Variants in TMPRSS15 observed in about 807,000 individuals in gnomAD.
The protein encoded by TMPRSS15 is enteropeptidase.
In TMPRSS15, 128 loss-of-function variants were observed where a neutral mutation model predicts 125.3. The ratio of observed to expected loss-of-function variants is 1.02; its 90% CI spans 0.89 to 1.18. TMPRSS15 has a LOEUF of 1.18. Among genes scored for constraint, TMPRSS15 ranks in the 50% most tolerant of loss-of-function variants. The pLI, the probability that TMPRSS15 is intolerant of heterozygous loss-of-function variation, is 0.00. For missense variants in TMPRSS15, 1,283 were observed against 1,212.7 expected, an observed-to-expected ratio of 1.06 and a Z score of -0.86; for synonymous variants, 446 against 423.2, an observed-to-expected ratio of 1.05 and a Z score of -0.66.
rs552522058 is a variant in TMPRSS15 at position 18,441,353 on chromosome 21, T to A, written c.11-43024A>T. On this transcript the variant is annotated intron_variant, in intron 1 of 7. Transcript: ENST00000422787. ...CGGGCGTGGTGGCTCACACCTGTAATCCCAGCACTTTGGGAGGCCGAGGCA... is the reference window on the plus strand; with the variant it reads ...CGGGCGTGGTGGCTCACACCTGTAAACCCAGCACTTTGGGAGGCCGAGGCA... Among the ~76,000 whole-genome samples, 14 of 151,896 alleles carry A rather than the reference T, an allele frequency of 9.2e-5. No homozygotes were observed. In the South Asian group the frequency reaches 2.9e-3, roughly 32 times the overall value.
rs928455456 is a variant in TMPRSS15 at position 18,350,849 on chromosome 21, A to G, written c.1171+2054T>C. 2.0e-5 allele frequency among the ~76,000 whole-genome samples: 3 copies of G among 152,080 alleles called. No individual in the cohort carries two copies. In the East Asian group the frequency reaches 5.8e-4, roughly 29 times the overall value. On this transcript the variant is annotated intron_variant, in intron 10 of 24. Transcript: ENST00000284885. ...AATTTGGTTTATTTTGTTCACAGATATATTCTGAATGACTTGAATAAGGCC... is the reference window on the plus strand; with the variant it reads ...AATTTGGTTTATTTTGTTCACAGATGTATTCTGAATGACTTGAATAAGGCC...
At chr21:18,443,930 A>G (rs574156742) in intron 1 of TMPRSS15, among the ~76,000 whole-genome samples, 1 of 151,558 alleles carries the variant, frequency 6.6e-6, no homozygotes, top group Non-Finnish European at 1.5e-5. Flanking sequence ...AACTGAACCC[A>G]CTCCTGCCAC....
At position 18,329,307 on chromosome 21, in the gene TMPRSS15, A is replaced by T; in HGVS notation, c.1655-13T>A. 3 of 1,606,306 alleles carry T rather than the reference A, an allele frequency of 1.9e-6. No individual in the cohort carries two copies. Among genetic ancestry groups the T allele is most frequent in the Non-Finnish European group, 2.6e-6 (3 of 1,175,458 alleles). On this transcript the variant is annotated splice_polypyrimidine_tract_variant and intron_variant, in intron 14 of 24. Transcript: ENST00000284885. ...AAAATCCAAACACCTAAAAAGTAAG[A>T]AGTAACATTTAATTTGGAACACACT... is the stretch of plus-strand genomic sequence containing the variant.
intron 18 of TMPRSS15, among the ~76,000 whole-genome samples, chr21:18,301,543 A>T (rs1467730329): frequency 6.6e-6 from 1 of 152,190 alleles, no homozygotes; most frequent in Non-Finnish European, 1.5e-5. Flanking sequence ...CACGCACCTG[A>T]GGCTCTTACT....
chr21:18,443,763 C>G (rs1395588244), intron 1 of TMPRSS15, among the ~76,000 whole-genome samples: 2 of 152,226 alleles, frequency 1.3e-5, no homozygotes, highest in Admixed American at 1.3e-4. Flanking sequence ...CCAGGAAACA[C>G]CTGAATGGCA....
At chr21:18,457,199 G>A (rs1001708357) in intron 1 of TMPRSS15, among the ~76,000 whole-genome samples, 2 of 152,024 alleles carry the variant, frequency 1.3e-5, no homozygotes, top group Admixed American at 1.3e-4. Flanking sequence ...TGCTTACCGA[G>A]TATCTTAACA....
At chr21:18,351,473 G>T (rs1376975252) in intron 10 of TMPRSS15, among the ~76,000 whole-genome samples, 1 of 152,114 alleles carries the variant, frequency 6.6e-6, no homozygotes, top group East Asian at 1.9e-4. Context: ...GATCACGGGG[G>T]CAATTTTTTC....
At chr21:18,319,285 T>C (rs2075208283) in intron 16 of TMPRSS15, among the ~76,000 whole-genome samples, 1 of 152,074 alleles carries the variant, frequency 6.6e-6, no homozygotes, top group Non-Finnish European at 1.5e-5. Context: ...ACTACTTTTG[T>C]CTTTGGTGTG....
In TMPRSS15 at chr21:18,383,684, T is replaced by C. The variant is rs1024715836; in HGVS notation, c.439A>G (p.Asn147Asp). The C allele has an allele frequency of 6.2e-7, 1 of 1,614,050 alleles. No homozygotes were observed. The highest frequency in any genetic ancestry group is 8.5e-7 in the Non-Finnish European group (1 of 1,179,978). The change falls in exon 4 of 25, where the codon AAT (asparagine) becomes GAT (aspartate). Residue 147 changes from asparagine to aspartate, a missense_variant. By Grantham distance (23) the Asn-to-Asp change is conservative. Coordinates refer to ENST00000284885, the MANE Select transcript of TMPRSS15 (RefSeq NM_002772.3). ...AAAGTGACCAGTTGGCTGGATTTAT[T>C]TGCTTCAAGGCCTTGAATCAGTTCT... Reference protein sequence around the residue: ...KEELIQGLEANKSSQLVTFHI... With the variant: ...KEELIQGLEADKSSQLVTFHI...
At chr21:18,474,570 G>A (rs1418400759) in intron 1 of TMPRSS15, among the ~76,000 whole-genome samples, 2 of 152,088 alleles carry the variant, frequency 1.3e-5, no homozygotes, top group Non-Finnish European at 2.9e-5. Context: ...GATTACAGGT[G>A]TGAGCCACCG....
At chr21:18,465,119 T>C (rs1601472157) in intron 1 of TMPRSS15, among the ~76,000 whole-genome samples, 1 of 152,102 alleles carries the variant, frequency 6.6e-6, no homozygotes, top group African/African-American at 2.4e-5. Context: ...CACAAATCAA[T>C]AAATGTAATC....
intron 19 of TMPRSS15, among the ~76,000 whole-genome samples, chr21:18,295,358 A>G: frequency 6.6e-6 from 1 of 152,256 alleles, no homozygotes; most frequent in Admixed American, 6.5e-5. Flanking sequence ...CAGCCACTAG[A>G]GATCAGTATA....
At chr21:18,475,913 A>G (rs1978872000) in intron 1 of TMPRSS15, among the ~76,000 whole-genome samples, 2 of 152,320 alleles carry the variant, frequency 1.3e-5, no homozygotes, top group Admixed American at 6.5e-5. Context: ...ACATAAAATT[A>G]TGTCCTTATC....
intron 1 of TMPRSS15, among the ~76,000 whole-genome samples, chr21:18,460,284 T>C (rs1978527435): frequency 6.6e-6 from 1 of 152,202 alleles, no homozygotes; most frequent in South Asian, 2.1e-4. Context: ...AGGTTTTTTT[T>C]TGGATACCAT....
chr21:18,303,501 TG>T (rs1435368498), intron 18 of TMPRSS15, among the ~76,000 whole-genome samples: 4 of 152,168 alleles, frequency 2.6e-5, no homozygotes, highest in Non-Finnish European at 5.9e-5. Context: ...GTTGAGCAGT[TG>T]GAAGCACTTT....
At chr21:18,341,881 A>G (rs2075450075) in intron 12 of TMPRSS15, among the ~76,000 whole-genome samples, 1 of 152,196 alleles carries the variant, frequency 6.6e-6, no homozygotes, top group Admixed American at 6.5e-5. Flanking sequence ...TCATGCATAT[A>G]TATCATCTGG....
intron 13 of TMPRSS15, among the ~76,000 whole-genome samples, chr21:18,336,446 G>C (rs894544930): frequency 5.3e-5 from 8 of 151,994 alleles, no homozygotes; most frequent in African/African-American, 1.9e-4. Context: ...TAAAAGTTTA[G>C]GTTGTAATTT....
chr21:18,373,501 TAA>T (rs938271375), intron 5 of TMPRSS15, among the ~76,000 whole-genome samples: 13 of 152,194 alleles, frequency 8.5e-5, no homozygotes, highest in African/African-American at 3.1e-4. Flanking sequence ...TGTTGATATT[TAA>T]GAGCTATTCA....
At chr21:18,294,739 T>C (rs2146900275) in intron 19 of TMPRSS15, 87 bp from the exon 20 acceptor site, 1 of 1,193,068 alleles carries the variant, frequency 8.4e-7, no homozygotes, top group Non-Finnish European at 1.2e-6. Flanking sequence ...ACTTTTGCTT[T>C]AGTAAAATGG....
Sources: gnomAD v4.1 joint callset for allele counts (sites outside exome capture counted in the v4.1 genomes callset) on GRCh38, gnomAD v4.1.1 for gene constraint, MANE v1.5 for transcripts, NCBI Gene and HGNC (gene_info 2026-07-23, HGNC 2026-07-21) for gene names.